Variants in NAV1 observed in about 807,000 individuals in gnomAD.
NAV1 encodes the protein pore membrane and/or filament interacting like protein 3.
A neutral mutation model predicts 175.2 loss-of-function variants in NAV1; 18 were observed. The observed-to-expected ratio is 0.10, with a 90% CI of 0.07 to 0.15. NAV1 has a LOEUF of 0.15. Ranked by LOEUF, NAV1 falls within the 10% of genes least tolerant of loss-of-function variation. The pLI, the probability that NAV1 is intolerant of heterozygous loss-of-function variation, is 1.00. For missense variants in NAV1, 1,731 were observed against 2,436.6 expected, an observed-to-expected ratio of 0.71 and a Z score of 6.10; for synonymous variants, 897 against 978.7, an observed-to-expected ratio of 0.92 and a Z score of 1.56.
chr1:201,785,192 T>G, intron 7 of NAV1, 118 bp from the exon 12 acceptor site: 1 of 987,176 alleles, frequency 1.0e-6, no homozygotes, highest in Non-Finnish European at 1.5e-6. Flanking sequence ...GGTCATAGTT[T>G]GATGTCCTGC....
At chr1:201,577,154 A>C (rs1303845729) in intron 1 of NAV1, among the ~76,000 whole-genome samples, 2 of 152,098 alleles carry the variant, frequency 1.3e-5, no homozygotes, top group Non-Finnish European at 2.9e-5. Context: ...GCCTGGCCTG[A>C]CTGTTGAGTT....
chr1:201,675,354 G>A (rs535004622), intron 1 of NAV1, among the ~76,000 whole-genome samples: 77 of 152,238 alleles, frequency 5.1e-4, no homozygotes, highest in Admixed American at 4.6e-4. Flanking sequence ...TCCCTGCCCC[G>A]GGATCCTCCA....
At chr1:201,550,891 C>G (rs915905145) in intron 1 of NAV1, among the ~76,000 whole-genome samples, 2 of 152,202 alleles carry the variant, frequency 1.3e-5, no homozygotes, top group Non-Finnish European at 2.9e-5. Context: ...TGGAGGTTGG[C>G]TTGACTGAAG....
At chr1:201,644,331 G>A (rs193058494), upstream of NAV1, among the ~76,000 whole-genome samples, 15 of 152,288 alleles carry the variant, frequency 9.8e-5, no homozygotes, top group Admixed American at 3.9e-4. Flanking sequence ...GGAATCACTC[G>A]AGGAACCATT....
Position 201,702,498 on chromosome 1 carries a change from G to A in NAV1, c.758-10319G>A, listed in dbSNP as rs867116630. Among the ~76,000 whole-genome samples, 35 of 152,164 alleles carry A rather than the reference G, an allele frequency of 2.3e-4. 1 individual carries two copies. The Middle Eastern group carries it at 0.01, about 44-fold the overall frequency. On this transcript the variant is annotated intron_variant, in intron 1 of 29. Transcript: ENST00000367296. The stretch of plus-strand genomic sequence containing the variant: ...TTTCCTGCCTCAGCCTCCCAAGTAG[G>A]TAGCTGGGGTTACAGGAGTGCACCA...
In NAV1 at chr1:201,782,290, C is replaced by T; in HGVS notation, c.1778C>T (p.Pro593Leu). 1 of 1,614,208 alleles carries T rather than the reference C, an allele frequency of 6.2e-7. No homozygotes were observed. Among genetic ancestry groups the T allele is most frequent in the South Asian group, 1.1e-5 (1 of 91,084 alleles). Residue 593 changes from proline (P) to leucine (L), a missense_variant, in exon 6 of 30, where the codon CCC (proline) becomes CTC (leucine). By Grantham distance (98) the Pro-to-Leu change is moderately conservative. Transcript: ENST00000367296. This position sits in a 1 kb window ranked among gnomAD's most constrained non-coding sequence, Gnocchi z 5.4. Reference sequence around the variant, plus strand: ...CGCCTGAGTGATGCTAAGAAGCCCCCCTCGGGCATTGCTCGCCCCTCCACT... The same window carrying T: ...CGCCTGAGTGATGCTAAGAAGCCCCTCTCGGGCATTGCTCGCCCCTCCACT...
upstream of NAV1, among the ~76,000 whole-genome samples, chr1:201,619,496 T>C (rs1161863312): frequency 4.6e-5 from 7 of 152,254 alleles, no homozygotes; most frequent in East Asian, 1.2e-3. Context: ...GGGTGCATAA[T>C]TGGCTTTGGT....
chr1:201,746,195 A>G (rs1477261880), intron 3 of NAV1, among the ~76,000 whole-genome samples: 2 of 152,204 alleles, frequency 1.3e-5, no homozygotes, highest in Non-Finnish European at 2.9e-5. Context: ...GTTTTGTCCA[A>G]TTATAAGTTT....
At position 201,807,823 on chromosome 1, in the gene NAV1, A is replaced by G; in HGVS notation, c.3649-130A>G. On this transcript the variant is annotated intron_variant, in intron 17 of 29. Coordinates refer to ENST00000367296, the Ensembl canonical transcript of NAV1. This position sits in a 1 kb window ranked among gnomAD's most constrained non-coding sequence, Gnocchi z 5.4. The stretch of plus-strand genomic sequence containing the variant: ...TATTCTATGAATCAAGTGAAGTGTT[A>G]TAGAGGGTGGCTTAATTAAAGTAAA... 1 of 843,858 alleles carries G rather than the reference A, an allele frequency of 1.2e-6. No homozygotes were observed. The highest frequency in any genetic ancestry group is 1.9e-6 in the Non-Finnish European group (1 of 514,934). 52.3% of individuals were successfully genotyped at this position (843,858 alleles called of 1,614,324 possible). A position where few individuals can be genotyped will look rare whatever the true frequency, so the allele number is the denominator to read the frequency against.
intron 1 of NAV1, among the ~76,000 whole-genome samples, chr1:201,546,251 C>T (rs1665669217): frequency 6.6e-6 from 1 of 152,204 alleles, no homozygotes; most frequent in Non-Finnish European, 1.5e-5. Flanking sequence ...GCGTGCTGCC[C>T]GTTGGACCCT....
intron 2 of NAV1, among the ~76,000 whole-genome samples, chr1:201,612,513 T>C (rs371443022): frequency 6.6e-6 from 1 of 152,128 alleles, no homozygotes; most frequent in African/African-American, 2.4e-5. Context: ...TTCTGGAGGA[T>C]GGAAGTCCAA....
intron 3 of NAV1, chr1:201,723,229 T>C (rs1177334584): frequency 6.6e-6 from 1 of 152,272 alleles, no homozygotes; most frequent in Non-Finnish European, 1.5e-5. Flanking sequence ...TTGTACATCT[T>C]CTTTGGAGAG....
At position 201,740,134 on chromosome 1, in the gene NAV1, G is replaced by A. The variant is rs1202836095; in HGVS notation, c.1226+21379G>A. The A allele has an allele frequency of 2.2e-5, 30 of 1,362,084 alleles. No individual in the cohort carries two copies. Among genetic ancestry groups the A allele is most frequent in the Non-Finnish European group, 2.8e-5 (29 of 1,033,734 alleles). The allele number at this position is 1,362,084 out of a possible 1,614,324, so 84.4% of individuals were successfully genotyped here. On this transcript the variant is annotated intron_variant, in intron 3 of 29. Coordinates refer to ENST00000367296, the Ensembl canonical transcript of NAV1. This position sits in a 1 kb window ranked among gnomAD's most constrained non-coding sequence, Gnocchi z 4.7. ...AGACCGCAGAGCTGGGGTCGGGTTT[G>A]TGGCACCCCCAGCCCCGCCGCAGCC... is the stretch of plus-strand genomic sequence containing the variant.
intron 3 of NAV1, among the ~76,000 whole-genome samples, chr1:201,734,434 G>GGAA (rs141362084): frequency 1.6e-5 from 2 of 122,336 alleles, no homozygotes; most frequent in South Asian, 5.0e-4. Context: ...AAGAAGAAGA[G>GGAA]GAAGAAGAAG....
chr1:201,782,077 A>G lies in NAV1; in HGVS notation c.1664-99A>G. On this transcript the variant is annotated intron_variant, in intron 5 of 29. Transcript: ENST00000367296. The surrounding 1 kb of genome is among the most constrained non-coding windows in gnomAD (Gnocchi z 5.4). ...TTAGGCCTCTAAAAGTCTACAATACATGGACAATGTTCCCTTCTCCCATGG... is the reference window on the plus strand; with the variant it reads ...TTAGGCCTCTAAAAGTCTACAATACGTGGACAATGTTCCCTTCTCCCATGG... 9.2e-7 allele frequency: 1 copy of G among 1,092,304 alleles called. No individual in the cohort carries two copies. Among genetic ancestry groups the G allele is most frequent in the Non-Finnish European group, 1.3e-6 (1 of 760,406 alleles). 67.7% of individuals were successfully genotyped at this position (1,092,304 alleles called of 1,614,324 possible).
At chr1:201,650,030 C>T (rs1490740928) in intron 1 of NAV1, among the ~76,000 whole-genome samples, 2 of 152,224 alleles carry the variant, frequency 1.3e-5, no homozygotes, top group Admixed American at 1.3e-4. Context: ...CATCTGGGCG[C>T]ATGTCCGATA....
At chr1:201,688,717 T>G (rs1196044818) in intron 1 of NAV1, among the ~76,000 whole-genome samples, 1 of 152,224 alleles carries the variant, frequency 6.6e-6, no homozygotes, top group Non-Finnish European at 1.5e-5. Context: ...TAGCGATGAA[T>G]TATTCTGTCC....
At chr1:201,666,397 G>T (rs1341408788) in intron 1 of NAV1, among the ~76,000 whole-genome samples, 2 of 152,112 alleles carry the variant, frequency 1.3e-5, no homozygotes, top group Non-Finnish European at 2.9e-5. Flanking sequence ...GCTCTGTTAT[G>T]TAGGAAACAT....
rs1673330559 is a variant in NAV1, at chr1:201,740,274, C to T, written c.1226+21519C>T. ...AGAGGAGTGCCTGCGCCGCCGGAGCCTCCGAGCTCCTGGACGTTTGGCTTA... is the reference window on the plus strand; with the variant it reads ...AGAGGAGTGCCTGCGCCGCCGGAGCTTCCGAGCTCCTGGACGTTTGGCTTA... On this transcript the variant is annotated intron_variant, in intron 3 of 29. Coordinates refer to ENST00000367296, the Ensembl canonical transcript of NAV1. The surrounding 1 kb of genome is among the most constrained non-coding windows in gnomAD (Gnocchi z 4.7). Among the ~76,000 whole-genome samples, 2 of 152,248 alleles carry T rather than the reference C, an allele frequency of 1.3e-5. No homozygotes were observed. The highest frequency in any genetic ancestry group is 2.9e-5 in the Non-Finnish European group (2 of 68,042).
Sources: gnomAD v4.1 joint callset for allele counts (sites outside exome capture counted in the v4.1 genomes callset) on GRCh38, gnomAD v4.1.1 for gene constraint, Gnocchi (gnomAD v3.1) non-coding constraint, MANE v1.5 for transcripts, NCBI Gene and HGNC (gene_info 2026-07-23, HGNC 2026-07-21) for gene names.